SCAPER: variants seen among roughly 807,000 people sequenced by gnomAD.
SCAPER encodes S phase cyclin A-associated protein in the endoplasmic reticulum.
Under a neutral mutation model 182.2 loss-of-function variants are expected in SCAPER, and 98 were observed. The ratio of observed to expected loss-of-function variants is 0.54; its 90% CI spans 0.46 to 0.64. The LOEUF (loss-of-function observed/expected upper bound fraction) is 0.64, where lower values mean the gene tolerates loss of function less well. Ranked by LOEUF, SCAPER falls within the 30% of genes least tolerant of loss-of-function variation. The pLI is 0.00. For synonymous variants in SCAPER, 605 were observed against 564.6 expected (o/e 1.07, Z -1.01); for missense variants, 1,432 against 1,690.0 (o/e 0.85, Z 2.68).
At chr15:76,716,669 A>G (rs998789266) in intron 17 of SCAPER, among the ~76,000 whole-genome samples, 3 of 151,974 alleles carry the variant, frequency 2.0e-5, no homozygotes, top group Non-Finnish European at 4.4e-5. Flanking sequence ...GAAATAAAAA[A>G]TACCACAGAG....
intron 21 of SCAPER, among the ~76,000 whole-genome samples, chr15:76,648,617 C>A (rs1163075718): frequency 2.6e-5 from 4 of 152,168 alleles, no homozygotes; most frequent in African/African-American, 9.7e-5. Flanking sequence ...GATAGAGGAG[C>A]TAGAAAGAAA....
intron 5 of SCAPER, among the ~76,000 whole-genome samples, chr15:76,835,347 A>G (rs2068835654): frequency 1.3e-5 from 2 of 152,204 alleles, no homozygotes; most frequent in African/African-American, 2.4e-5. Context: ...TTAATTCACC[A>G]TGATCAAGTA....
intron 27 of SCAPER, among the ~76,000 whole-genome samples, chr15:76,402,554 A>G (rs552704855): frequency 2.6e-5 from 4 of 152,098 alleles, no homozygotes; most frequent in African/African-American, 9.6e-5. Flanking sequence ...TTTTCTGTGC[A>G]AATTCTCTTC....
At chr15:76,415,848 A>G (rs940604566) in intron 26 of SCAPER, among the ~76,000 whole-genome samples, 1 of 152,200 alleles carries the variant, frequency 6.6e-6, no homozygotes, top group Non-Finnish European at 1.5e-5. Flanking sequence ...CAACAGGGAA[A>G]AGGTCTAAAC....
chr15:76,531,706 C>T (rs1270834759), intron 23 of SCAPER, among the ~76,000 whole-genome samples: 3 of 151,846 alleles, frequency 2.0e-5, no homozygotes, highest in Non-Finnish European at 2.9e-5. Context: ...TATTAGCCTG[C>T]ACCTACTTAA....
intron 26 of SCAPER, among the ~76,000 whole-genome samples, chr15:76,409,612 T>TA (rs200648725): frequency 1.1e-3 from 161 of 147,396 alleles, no homozygotes; most frequent in Middle Eastern, 3.4e-3. Flanking sequence ...CCGAATCTAT[T>TA]AAAAAAAAAA....
intron 3 of SCAPER, among the ~76,000 whole-genome samples, chr15:76,859,661 T>C (rs1300425863): frequency 1.3e-5 from 2 of 152,224 alleles, no homozygotes; most frequent in East Asian, 1.9e-4. Context: ...ATATTCTTCT[T>C]TTGTCATCAT....
intron 2 of SCAPER, among the ~76,000 whole-genome samples, chr15:76,877,912 G>A (rs936673717): frequency 1.3e-5 from 2 of 152,116 alleles, no homozygotes; most frequent in Non-Finnish European, 1.5e-5. Flanking sequence ...TCCACATTTT[G>A]AACACTGAAT....
intron 15 of SCAPER, among the ~76,000 whole-genome samples, chr15:76,739,357 A>T (rs2061434174): frequency 1.3e-5 from 2 of 152,222 alleles, no homozygotes; most frequent in African/African-American, 4.8e-5. Flanking sequence ...GTAAGTTGAG[A>T]ACTTTCACGC....
In SCAPER at chr15:76,798,247, CT is replaced by C. The variant is rs2065474824; in HGVS notation, c.611+2000del. Among the ~76,000 whole-genome samples the C allele has an allele frequency of 1.3e-4, 19 of 151,908 alleles. No individual in the cohort carries two copies. The South Asian group carries it at 4.0e-3, about 32-fold the overall frequency. ...TGGTGGCATGCGCCTATAATTCCAG[CT>C]ACTCAGGAGGCTAAGGCACGAGAAT... On this transcript the variant is annotated intron_variant, in intron 7 of 31. Transcript: ENST00000563290.
At chr15:76,530,137 A>C (rs1012064459) in intron 23 of SCAPER, among the ~76,000 whole-genome samples, 2 of 152,210 alleles carry the variant, frequency 1.3e-5, no homozygotes, top group Non-Finnish European at 2.9e-5. Flanking sequence ...TTTTGAAAAC[A>C]GTTTTTAGGA....
At chr15:76,764,359 T>C (rs1429965967) in intron 14 of SCAPER, among the ~76,000 whole-genome samples, 1 of 152,198 alleles carries the variant, frequency 6.6e-6, no homozygotes, top group African/African-American at 2.4e-5. Context: ...GAAGTGAGCA[T>C]CCCTGGTAGG....
At chr15:76,424,455 G>C (rs1279327372) in intron 26 of SCAPER, among the ~76,000 whole-genome samples, 1 of 151,622 alleles carries the variant, frequency 6.6e-6, no homozygotes, top group Non-Finnish European at 1.5e-5. Flanking sequence ...GCCTTTTTTT[G>C]TTTTCCATTT....
At chr15:76,872,584 T>TA (rs2072804724) in intron 2 of SCAPER, among the ~76,000 whole-genome samples, 1 of 151,796 alleles carries the variant, frequency 6.6e-6, no homozygotes, top group African/African-American at 2.4e-5. Context: ...TTTTCTAGTA[T>TA]AAAAAATATT....
chr15:76,652,273 A>AAAAAAAAAT (rs1207156993), intron 21 of SCAPER, among the ~76,000 whole-genome samples: 2 of 12,870 alleles, frequency 1.6e-4, no homozygotes, highest in Non-Finnish European at 2.6e-4. Context: ...AAAAAAAAAA[A>AAAAAAAAAT]ATATATATAT....
Position 76,766,920 on chromosome 15 carries a change from A to T in SCAPER, c.1417T>A (p.Ser473Thr). The change falls in exon 11 of 32, where the codon TCT becomes ACT. Residue 473 changes from serine to threonine, a missense_variant and splice_region_variant. Ser to Thr is a moderately conservative substitution (Grantham distance 58, BLOSUM62 1). Coordinates refer to ENST00000563290, the MANE Select transcript of SCAPER (RefSeq NM_020843.4). ...NIETDNDSDF[S>T]ASMGSGSVSF... ...TGTTAAAAAGTCTAAAAGCTCACAG[A>T]AAAATCACTGTCGTTGTCAGTTTCA... is the stretch of plus-strand genomic sequence containing the variant. The T allele has an allele frequency of 6.3e-7, 1 of 1,585,368 alleles. No homozygotes were observed. Among genetic ancestry groups the T allele is most frequent in the Non-Finnish European group, 8.5e-7 (1 of 1,172,596 alleles).
At chr15:76,510,858 T>TGCGC (rs1316138543) in intron 23 of SCAPER, among the ~76,000 whole-genome samples, 15 of 132,916 alleles carry the variant, frequency 1.1e-4, no homozygotes, top group African/African-American at 4.8e-4. Context: ...AAGAAACTGG[T>TGCGC]GCGCGCGTGT....
intron 26 of SCAPER, among the ~76,000 whole-genome samples, chr15:76,408,370 C>A (rs995597405): frequency 2.6e-5 from 4 of 152,102 alleles, no homozygotes; most frequent in African/African-American, 9.7e-5. Flanking sequence ...ACATAAACAT[C>A]ATTTTTAATG....
At chr15:76,881,677 T>C (rs186633775) in intron 2 of SCAPER, among the ~76,000 whole-genome samples, 1 of 152,208 alleles carries the variant, frequency 6.6e-6, no homozygotes, top group African/African-American at 2.4e-5. Context: ...GTACATAAAG[T>C]AGTCAAAATC....
Sources: allele counts gnomAD v4.1 joint callset (sites outside exome capture counted in the v4.1 genomes callset), GRCh38; gene constraint gnomAD v4.1.1; transcripts MANE v1.5; gene names NCBI Gene and HGNC (gene_info 2026-07-23, HGNC 2026-07-21).